The following GRM5 variants were observed in gnomAD, a reference collection of about 807,000 sequenced individuals.
GRM5 encodes glutamate metabotropic receptor 5, also known as metabotropic glutamate receptor 5.
In GRM5, 19 loss-of-function variants were observed where a neutral mutation model predicts 83.1. The observed-to-expected ratio is 0.23, with a 90% CI of 0.16 to 0.34. GRM5 has a LOEUF of 0.34. GRM5 is among the 10% of genes least tolerant of loss of function. The pLI, the probability that GRM5 is intolerant of heterozygous loss-of-function variation, is 1.00. For synonymous variants in GRM5, 675 were observed against 633.6 expected (o/e 1.07, Z -0.98); for missense variants, 1,160 against 1,588.3 (o/e 0.73, Z 4.58).
In GRM5 at chr11:88,860,605, A is replaced by C. The variant is rs530838174; in HGVS notation, c.662-10450T>G. ...TGCTTGACAGCTTTTGCTGAAAAAAAGTCGCTTCTTTGACAGCAGCTCCCT... is the reference window on the plus strand; with the variant it reads ...TGCTTGACAGCTTTTGCTGAAAAAACGTCGCTTCTTTGACAGCAGCTCCCT... On this transcript the variant is annotated intron_variant, in intron 2 of 9. Transcript: ENST00000305447. Among the ~76,000 whole-genome samples the C allele has an allele frequency of 2.6e-5, 4 of 152,294 alleles. 1 individual carries two copies. The highest frequency in any genetic ancestry group is 9.6e-5 in the African/African-American group (4 of 41,578).
intron 4 of GRM5, among the ~76,000 whole-genome samples, chr11:88,636,322 G>A (rs1446622236): frequency 3.9e-5 from 6 of 152,170 alleles, no homozygotes; most frequent in Non-Finnish European, 7.3e-5. Flanking sequence ...GAACAGCCTG[G>A]CCAACATGGT....
At chr11:88,720,588 A>T (rs917910056) in intron 3 of GRM5, among the ~76,000 whole-genome samples, 2 of 152,060 alleles carry the variant, frequency 1.3e-5, no homozygotes, top group Admixed American at 1.3e-4. Flanking sequence ...AAAACACTCA[A>T]TGCAGAAAAA....
chr11:88,777,539 T>G (rs1942883339), intron 3 of GRM5, among the ~76,000 whole-genome samples: 1 of 152,246 alleles, frequency 6.6e-6, no homozygotes, highest in Non-Finnish European at 1.5e-5. Context: ...ATTTTCAGCT[T>G]TTCTGCTCCA....
At chr11:88,742,718 A>G (rs1011981573) in intron 3 of GRM5, among the ~76,000 whole-genome samples, 2 of 152,122 alleles carry the variant, frequency 1.3e-5, no homozygotes, top group Non-Finnish European at 2.9e-5. Context: ...TTTGTAGAAA[A>G]GGAATGTTTT....
At chr11:88,803,841 A>G (rs1220452513) in intron 3 of GRM5, among the ~76,000 whole-genome samples, 1 of 152,230 alleles carries the variant, frequency 6.6e-6, no homozygotes. Flanking sequence ...ATTTACAAGA[A>G]AAAAACAAAC....
At chr11:89,000,813 C>A (rs1456237081) in intron 2 of GRM5, among the ~76,000 whole-genome samples, 1 of 151,396 alleles carries the variant, frequency 6.6e-6, no homozygotes, top group East Asian at 1.9e-4. Context: ...ACGTATTGAA[C>A]AAAGGATTAC....
intron 3 of GRM5, among the ~76,000 whole-genome samples, chr11:88,731,186 A>C (rs746435260): frequency 6.6e-6 from 1 of 152,052 alleles, no homozygotes; most frequent in Non-Finnish European, 1.5e-5. Flanking sequence ...TCATATGGAC[A>C]AGGTTTTCAT....
At chr11:88,957,098 G>A (rs137864337) in intron 2 of GRM5, among the ~76,000 whole-genome samples, 6 of 152,340 alleles carry the variant, frequency 3.9e-5, no homozygotes, top group South Asian at 2.1e-4. Flanking sequence ...GTGAAAGGAT[G>A]GGACCTCATT....
intron 2 of GRM5, among the ~76,000 whole-genome samples, chr11:88,914,575 G>C (rs548644444): frequency 1.3e-5 from 2 of 152,308 alleles, no homozygotes; most frequent in African/African-American, 4.8e-5. Flanking sequence ...CTTGGACTAA[G>C]GCAGTGGCAG....
intron 3 of GRM5, among the ~76,000 whole-genome samples, chr11:88,846,559 C>T (rs1944306524): frequency 6.6e-6 from 1 of 152,210 alleles, no homozygotes; most frequent in African/African-American, 2.4e-5. Context: ...TTGTCTTAGT[C>T]CTGCCAAGCA....
intron 3 of GRM5, among the ~76,000 whole-genome samples, chr11:88,683,163 G>A (rs1429354450): frequency 6.6e-6 from 1 of 152,080 alleles, no homozygotes; most frequent in East Asian, 1.9e-4. Flanking sequence ...TAGCTACAAT[G>A]CCACCACAGG....
At position 88,921,555 on chromosome 11, in the gene GRM5, G is replaced by A. The variant is rs549772542; in HGVS notation, c.662-71400C>T. On this transcript the variant is annotated intron_variant, in intron 2 of 9. Transcript: ENST00000305447. Reference sequence around the variant, plus strand: ...TATGGCAGGAGAATGGTGGGAACCCGGGAGGCTGAGCTTGCAGTGAGCTGA... The same window carrying A: ...TATGGCAGGAGAATGGTGGGAACCCAGGAGGCTGAGCTTGCAGTGAGCTGA... 1.4e-4 allele frequency among the ~76,000 whole-genome samples: 21 copies of A among 152,104 alleles called. No homozygotes were observed. The South Asian group carries it at 2.1e-3, about 15-fold the overall frequency.
intron 7 of GRM5, among the ~76,000 whole-genome samples, chr11:88,589,967 T>C (rs1937610735): frequency 6.6e-6 from 1 of 152,206 alleles, no homozygotes; most frequent in African/African-American, 2.4e-5. Context: ...TGTTTATATA[T>C]TGTAAAAATT....
chr11:88,872,025 G>A (rs1234917565), intron 2 of GRM5, among the ~76,000 whole-genome samples: 4 of 151,348 alleles, frequency 2.6e-5, no homozygotes, highest in African/African-American at 9.7e-5. Flanking sequence ...ATATCACACA[G>A]AAACCTGTAA....
At chr11:88,992,974 C>T (rs1341653588) in intron 2 of GRM5, among the ~76,000 whole-genome samples, 1 of 151,300 alleles carries the variant, frequency 6.6e-6, no homozygotes, top group African/African-American at 2.4e-5. Context: ...ATGTAACAAA[C>T]CTGCACGTTG....
chr11:88,533,794 T>C (rs1256666988), intron 8 of GRM5, among the ~76,000 whole-genome samples: 1 of 152,202 alleles, frequency 6.6e-6, no homozygotes, highest in Non-Finnish European at 1.5e-5. Context: ...GTCAGAGGTC[T>C]TCAGGCAGCC....
At chr11:88,960,154 G>C (rs1938739309) in intron 2 of GRM5, among the ~76,000 whole-genome samples, 1 of 152,154 alleles carries the variant, frequency 6.6e-6, no homozygotes, top group African/African-American at 2.4e-5. Context: ...AGAGTAAGAT[G>C]GATGAATGGG....
intron 8 of GRM5, among the ~76,000 whole-genome samples, chr11:88,537,277 CT>C (rs1474603582): frequency 1.2e-5 from 1 of 86,896 alleles, no homozygotes; most frequent in African/African-American, 3.7e-5. Flanking sequence ...AAATCACCCT[CT>C]GGGCCCCTTG....
At chr11:88,647,083 C>T (rs1939479260) in intron 4 of GRM5, among the ~76,000 whole-genome samples, 1 of 152,046 alleles carries the variant, frequency 6.6e-6, no homozygotes, top group Non-Finnish European at 1.5e-5. Context: ...GCTCCTGCAT[C>T]AATCCAATCA....
Sources: allele counts gnomAD v4.1 joint callset (sites outside exome capture counted in the v4.1 genomes callset), GRCh38; gene constraint gnomAD v4.1.1; transcripts MANE v1.5; gene names NCBI Gene and HGNC (gene_info 2026-07-23, HGNC 2026-07-21).